The following CNTNAP5 variants were observed in gnomAD, a reference collection of about 807,000 sequenced individuals.
CNTNAP5 encodes contactin associated protein family member 5, also known as contactin-associated protein-like 5.
Under a neutral mutation model 150.2 loss-of-function variants are expected in CNTNAP5, and 72 were observed. That is an observed-to-expected ratio of 0.48 (90% CI 0.40 to 0.58). CNTNAP5 has a LOEUF of 0.58. Among genes scored for constraint, CNTNAP5 ranks in the 20% least tolerant of loss-of-function variants. The pLI, the probability that CNTNAP5 is intolerant of heterozygous loss-of-function variation, is 0.00. For synonymous variants in CNTNAP5, 672 were observed against 619.8 expected (o/e 1.08, Z -1.25); for missense variants, 1,636 against 1,626.2 (o/e 1.01, Z -0.10).
rs565360993 is a variant in CNTNAP5 at position 124,131,571 on chromosome 2, C to T, written c.83-90134C>T. Among the ~76,000 whole-genome samples, 6 of 152,192 alleles carry T rather than the reference C, an allele frequency of 3.9e-5. No individual in the cohort carries two copies. The East Asian group carries it at 5.8e-4, about 15-fold the overall frequency. On this transcript the variant is annotated intron_variant, in intron 1 of 23. Transcript: ENST00000682447. ...AATGATGTGCTGATAGGTGACTGATCGGGGGTAATAGATTAGGAATTAATC... is the reference window on the plus strand; with the variant it reads ...AATGATGTGCTGATAGGTGACTGATTGGGGGTAATAGATTAGGAATTAATC...
At chr2:124,095,739 C>G (rs1682920037) in intron 1 of CNTNAP5, among the ~76,000 whole-genome samples, 1 of 151,980 alleles carries the variant, frequency 6.6e-6, no homozygotes, top group African/African-American at 2.4e-5. Flanking sequence ...TTTTAAATTG[C>G]CTTGATTTTT....
intron 6 of CNTNAP5, among the ~76,000 whole-genome samples, chr2:124,472,626 T>A (rs984084879): frequency 6.6e-6 from 1 of 151,530 alleles, no homozygotes; most frequent in Non-Finnish European, 1.5e-5. Flanking sequence ...TATTGTGGAT[T>A]CCGTTCCAGA....
At chr2:124,446,422 A>G (rs991974702) in intron 5 of CNTNAP5, among the ~76,000 whole-genome samples, 2 of 152,158 alleles carry the variant, frequency 1.3e-5, no homozygotes, top group Non-Finnish European at 2.9e-5. Flanking sequence ...ATTCAAACTC[A>G]AAGAATATGC....
rs1445486180 is a variant in CNTNAP5 at position 124,919,072 on chromosome 2, C to G, written c.*4784C>G. ...GATTTTTATTGTCTCTAATTATCAG[C>G]TCTGCCTTCACAAATTCCAAATTTG... On this transcript the variant is annotated 3_prime_UTR_variant, in exon 24 of 24. Coordinates refer to ENST00000682447, the MANE Select transcript of CNTNAP5 (RefSeq NM_001367498.1). Among the ~76,000 whole-genome samples, 2 of 152,052 alleles carry G rather than the reference C, an allele frequency of 1.3e-5. No homozygotes were observed.
intron 3 of CNTNAP5, among the ~76,000 whole-genome samples, chr2:124,374,542 A>G (rs1233310409): frequency 6.6e-6 from 1 of 152,172 alleles, no homozygotes; most frequent in Non-Finnish European, 1.5e-5. Flanking sequence ...CAAACTAATT[A>G]TCACTTTTAG....
intron 1 of CNTNAP5, among the ~76,000 whole-genome samples, chr2:124,157,010 T>G (rs893574545): frequency 6.6e-6 from 1 of 152,212 alleles, no homozygotes; most frequent in African/African-American, 2.4e-5. Context: ...GCCTGATACA[T>G]AGTTTGTTGC....
At chr2:124,273,194 T>A (rs1349385374) in intron 3 of CNTNAP5, among the ~76,000 whole-genome samples, 2 of 152,228 alleles carry the variant, frequency 1.3e-5, no homozygotes, top group Non-Finnish European at 2.9e-5. Flanking sequence ...TAGCACCTCA[T>A]CTGTAGTGCT....
intron 13 of CNTNAP5, among the ~76,000 whole-genome samples, chr2:124,668,351 C>T (rs748658437): frequency 1.3e-5 from 2 of 152,154 alleles, no homozygotes; most frequent in Non-Finnish European, 2.9e-5. Flanking sequence ...AAGCAGCTAA[C>T]GGAAAGGTTT....
intron 16 of CNTNAP5, among the ~76,000 whole-genome samples, chr2:124,772,138 C>A (rs1013882774): frequency 3.9e-5 from 6 of 152,150 alleles, no homozygotes; most frequent in Admixed American, 2.6e-4. Flanking sequence ...GCTGCCATCA[C>A]CATTGTCATT....
intron 3 of CNTNAP5, among the ~76,000 whole-genome samples, chr2:124,412,930 A>G (rs1262342694): frequency 9.6e-6 from 1 of 104,088 alleles, no homozygotes; most frequent in African/African-American, 3.9e-5. Flanking sequence ...AACTACTATC[A>G]GAGTGAACAG....
intron 5 of CNTNAP5, among the ~76,000 whole-genome samples, chr2:124,444,521 G>A (rs775381549): frequency 2.6e-5 from 4 of 152,128 alleles, no homozygotes; most frequent in Non-Finnish European, 4.4e-5. Context: ...CTTGAACCCA[G>A]GAGGCAGGGG....
At chr2:124,682,202 T>A (rs1329015080) in intron 13 of CNTNAP5, among the ~76,000 whole-genome samples, 1 of 152,196 alleles carries the variant, frequency 6.6e-6, no homozygotes. Context: ...GTAGGAGATT[T>A]TCAGAGTCTC....
chr2:124,450,913 C>T (rs1692952481), intron 6 of CNTNAP5, among the ~76,000 whole-genome samples: 1 of 149,256 alleles, frequency 6.7e-6, no homozygotes, highest in South Asian at 2.1e-4. Context: ...TTTCTGTAGT[C>T]CCAGCTACTT....
At chr2:124,809,561 T>C (rs1343085345) in intron 19 of CNTNAP5, among the ~76,000 whole-genome samples, 1 of 144,768 alleles carries the variant, frequency 6.9e-6, no homozygotes, top group Admixed American at 7.1e-5. Context: ...TGCAAGCCAC[T>C]CTGCCCGGCT....
chr2:124,855,167 C>CTTTTTTTTTTTTTTTTTTTTTTTTTTTTT (rs70999224), intron 19 of CNTNAP5, among the ~76,000 whole-genome samples: 1 of 71,434 alleles, frequency 1.4e-5, no homozygotes. Flanking sequence ...TGGGCTTTTG[C>CTTTTTTTTTTTTTTTTTTTTTTTTTTTTT]TTTTTTTTTT....
chr2:124,091,314 G>A (rs1421741601), intron 1 of CNTNAP5, among the ~76,000 whole-genome samples: 3 of 152,128 alleles, frequency 2.0e-5, no homozygotes, highest in African/African-American at 4.8e-5. Context: ...AGTTAACTAC[G>A]GTGAGAAAGG....
chr2:124,484,317 CT>C (rs1693822392), intron 7 of CNTNAP5, among the ~76,000 whole-genome samples: 1 of 152,130 alleles, frequency 6.6e-6, no homozygotes, highest in Admixed American at 6.6e-5. Context: ...AAGAAACACC[CT>C]TTTATGTCAC....
chr2:124,832,354 A>G (rs1328397532), intron 19 of CNTNAP5, among the ~76,000 whole-genome samples: 1 of 152,140 alleles, frequency 6.6e-6, no homozygotes, highest in African/African-American at 2.4e-5. Context: ...TAATACACAT[A>G]CATATGCAAA....
intron 3 of CNTNAP5, among the ~76,000 whole-genome samples, chr2:124,244,784 A>G (rs1686976533): frequency 6.6e-6 from 1 of 152,220 alleles, no homozygotes; most frequent in Non-Finnish European, 1.5e-5. Flanking sequence ...ACTAACAGTT[A>G]CTAAACACCT....
Sources: allele counts gnomAD v4.1 joint callset (sites outside exome capture counted in the v4.1 genomes callset), GRCh38; gene constraint gnomAD v4.1.1; transcripts MANE v1.5; gene names NCBI Gene and HGNC (gene_info 2026-07-23, HGNC 2026-07-21).